The following DIRAS2 variants were observed in gnomAD, a reference collection of about 807,000 sequenced individuals.
DIRAS2 encodes DIRAS family GTPase 2, also known as GTP-binding protein Di-Ras2.
A neutral mutation model predicts 13.9 loss-of-function variants in DIRAS2; 5 were observed. That is an observed-to-expected ratio of 0.36 (90% CI 0.19 to 0.76). The LOEUF (loss-of-function observed/expected upper bound fraction) is 0.76, where lower values mean the gene tolerates loss of function less well. Among genes scored for constraint, DIRAS2 ranks in the 30% least tolerant of loss-of-function variants. DIRAS2 has a pLI of 0.53. For missense variants in DIRAS2, 191 were observed against 263.0 expected, an observed-to-expected ratio of 0.73 and a Z score of 1.89; for synonymous variants, 111 against 105.4, an observed-to-expected ratio of 1.05 and a Z score of -0.33.
At chr9:90,621,040 A>T (rs1169513731) in intron 1 of DIRAS2, among the ~76,000 whole-genome samples, 1 of 152,210 alleles carries the variant, frequency 6.6e-6, no homozygotes, top group Non-Finnish European at 1.5e-5. Flanking sequence ...GTGTTGTGAG[A>T]TCAAGTATAA....
At chr9:90,614,753 A>G (rs1825152264) in intron 1 of DIRAS2, among the ~76,000 whole-genome samples, 1 of 152,256 alleles carries the variant, frequency 6.6e-6, no homozygotes, top group Non-Finnish European at 1.5e-5. Flanking sequence ...TTTAAGAAAC[A>G]TAAGGAATCA....
At chr9:90,614,306 ATGTGTGTGTGTG>A (rs34548591) in intron 1 of DIRAS2, among the ~76,000 whole-genome samples, 31 of 134,918 alleles carry the variant, frequency 2.3e-4, no homozygotes, top group African/African-American at 3.9e-4. Context: ...GGTCATCATA[ATGTGTGTGTGTG>A]TGTGTGTGTG....
In DIRAS2 at chr9:90,628,093, C is replaced by T. The variant is rs571165464; in HGVS notation, c.-36-14230G>A. On this transcript the variant is annotated intron_variant, in intron 1 of 1. Coordinates refer to ENST00000375765, the MANE Select transcript of DIRAS2 (RefSeq NM_017594.5). ...ATCCAACAAGATGAACAAAACAAAA[C>T]TAATATCTTGAGAAGACCAATTAAA... is the stretch of plus-strand genomic sequence containing the variant. 5.3e-5 allele frequency among the ~76,000 whole-genome samples: 8 copies of T among 152,048 alleles called. No individual in the cohort carries two copies. In the South Asian group the frequency reaches 1.7e-3, roughly 32 times the overall value.
chr9:90,618,614 A>G (rs1174096410), intron 1 of DIRAS2, among the ~76,000 whole-genome samples: 1 of 152,198 alleles, frequency 6.6e-6, no homozygotes, highest in African/African-American at 2.4e-5. Flanking sequence ...AACCCACAGG[A>G]TAAGTGAGTA....
intron 1 of DIRAS2, among the ~76,000 whole-genome samples, chr9:90,627,381 C>G (rs1482212547): frequency 6.6e-6 from 1 of 152,174 alleles, no homozygotes; most frequent in South Asian, 2.1e-4. Context: ...TGCTACAACA[C>G]GGATGAACCT....
intron 1 of DIRAS2, among the ~76,000 whole-genome samples, chr9:90,618,116 T>C (rs77706051): frequency 0.023 from 3,558 of 152,200 alleles, 138 homozygotes; most frequent in African/African-American, 0.082. Flanking sequence ...CAAAACAATG[T>C]TGAAAAATTA....
At chr9:90,614,035 C>T (rs1825142491) in intron 1 of DIRAS2, among the ~76,000 whole-genome samples, 172 bp from the exon 2 acceptor site, 1 of 152,106 alleles carries the variant, frequency 6.6e-6, no homozygotes, top group East Asian at 1.9e-4. Flanking sequence ...AAAGGACAGA[C>T]GATCTACTCA....
chr9:90,634,950 C>T (rs1223001049), intron 1 of DIRAS2, among the ~76,000 whole-genome samples: 2 of 152,232 alleles, frequency 1.3e-5, no homozygotes, highest in Non-Finnish European at 2.9e-5. Flanking sequence ...TCCTTATTAC[C>T]TAGCTAGAAT....
At chr9:90,633,323 A>C (rs902866249) in intron 1 of DIRAS2, among the ~76,000 whole-genome samples, 2 of 152,218 alleles carry the variant, frequency 1.3e-5, no homozygotes, top group African/African-American at 2.4e-5. Flanking sequence ...CTGGAGGAGA[A>C]GGAAGCATCA....
intron 1 of DIRAS2, among the ~76,000 whole-genome samples, chr9:90,636,060 C>CA (rs1448289349): frequency 0.018 from 1,199 of 67,146 alleles, 34 homozygotes; most frequent in African/African-American, 0.059. Context: ...TTTTTTGAGA[C>CA]AGAGTCTCGC....
At chr9:90,636,165 G>A (rs1292920200) in intron 1 of DIRAS2, among the ~76,000 whole-genome samples, 1 of 149,020 alleles carries the variant, frequency 6.7e-6, no homozygotes, top group Non-Finnish European at 1.5e-5. Flanking sequence ...AGCCTACTGA[G>A]TAGCTGGGAC....
intron 1 of DIRAS2, among the ~76,000 whole-genome samples, chr9:90,632,128 C>T (rs1825330378): frequency 6.6e-6 from 1 of 152,198 alleles, no homozygotes; most frequent in Non-Finnish European, 1.5e-5. Flanking sequence ...ATCAGTTTGC[C>T]TCAGGCTCTG....
At chr9:90,619,812 T>C (rs1825202987) in intron 1 of DIRAS2, among the ~76,000 whole-genome samples, 2 of 152,202 alleles carry the variant, frequency 1.3e-5, no homozygotes, top group African/African-American at 2.4e-5. Context: ...TTGTAACTAA[T>C]GAATGGATAA....
intron 1 of DIRAS2, among the ~76,000 whole-genome samples, chr9:90,619,410 T>C (rs372584606): frequency 6.6e-6 from 1 of 152,218 alleles, no homozygotes; most frequent in East Asian, 1.9e-4. Flanking sequence ...GTCATTTCAC[T>C]ACAGCCTGGG....
rs1272748851 is a variant in DIRAS2 at position 90,610,904 on chromosome 9, AC to A, written c.*2323del. ...GCCCTGAACACTTAAACATGTAGAA[AC>A]TGATTTGAAAGGGATAAAAGAAATT... On this transcript the variant is annotated 3_prime_UTR_variant, in exon 2 of 2. Transcript: ENST00000375765. The A allele has an allele frequency of 6.6e-6, 1 of 152,640 alleles. No individual in the cohort carries two copies. The highest frequency in any genetic ancestry group is 2.4e-5 in the African/African-American group (1 of 41,484). 9.5% of individuals were successfully genotyped at this position (152,640 alleles called of 1,614,324 possible).
intron 1 of DIRAS2, among the ~76,000 whole-genome samples, chr9:90,636,124 G>T (rs957099010): frequency 7.8e-6 from 1 of 127,740 alleles, no homozygotes; most frequent in African/African-American, 3.0e-5. Context: ...TGCAAGCTCC[G>T]CCTCCCGGGT....
At chr9:90,623,080 T>C (rs1825234509) in intron 1 of DIRAS2, among the ~76,000 whole-genome samples, 1 of 152,220 alleles carries the variant, frequency 6.6e-6, no homozygotes, top group African/African-American at 2.4e-5. Flanking sequence ...GGAACTGTGA[T>C]ACCATGCTGA....
chr9:90,620,887 T>C (rs1482163945), intron 1 of DIRAS2, among the ~76,000 whole-genome samples: 1 of 152,162 alleles, frequency 6.6e-6, no homozygotes, highest in East Asian at 1.9e-4. Context: ...GATGTTAACA[T>C]TGTTGTTATA....
intron 1 of DIRAS2, among the ~76,000 whole-genome samples, chr9:90,630,651 G>A (rs1825316500): frequency 6.6e-6 from 1 of 152,146 alleles, no homozygotes; most frequent in Admixed American, 6.5e-5. Flanking sequence ...AAAAAAAAGA[G>A]TTGCAGAACT....
Sources: gnomAD v4.1 joint callset for allele counts (sites outside exome capture counted in the v4.1 genomes callset) on GRCh38, gnomAD v4.1.1 for gene constraint, MANE v1.5 for transcripts, NCBI Gene and HGNC (gene_info 2026-07-23, HGNC 2026-07-21) for gene names.